ATXN7L1: variants seen among roughly 807,000 people sequenced by gnomAD.
The protein encoded by ATXN7L1 is ataxin-7-like protein 1.
A neutral mutation model predicts 70.8 loss-of-function variants in ATXN7L1; 15 were observed. That is an observed-to-expected ratio of 0.21 (90% CI 0.14 to 0.33). ATXN7L1 has a LOEUF of 0.33. Ranked by LOEUF, ATXN7L1 falls within the 10% of genes least tolerant of loss-of-function variation. ATXN7L1 has a pLI of 1.00. For synonymous variants in ATXN7L1, 440 were observed against 445.1 expected, an observed-to-expected ratio of 0.99 and a Z score of 0.14; for missense variants, 975 against 1,097.1, an observed-to-expected ratio of 0.89 and a Z score of 1.57.
intron 3 of ATXN7L1, among the ~76,000 whole-genome samples, chr7:105,724,904 G>A (rs760053927): frequency 3.3e-5 from 5 of 151,948 alleles, no homozygotes; most frequent in Non-Finnish European, 7.4e-5. Flanking sequence ...ATAGCTCACT[G>A]CAGCCTCAAA....
intron 4 of ATXN7L1, among the ~76,000 whole-genome samples, chr7:105,643,734 A>G (rs951169736): frequency 3.3e-5 from 5 of 152,328 alleles, no homozygotes; most frequent in East Asian, 3.9e-4. Flanking sequence ...GCATTATCCA[A>G]TATTCCATTT....
At chr7:105,676,819 G>C (rs1266030961) in intron 3 of ATXN7L1, among the ~76,000 whole-genome samples, 4 of 152,106 alleles carry the variant, frequency 2.6e-5, no homozygotes, top group African/African-American at 7.2e-5. Context: ...CAGCCTGAGA[G>C]ACAGAGTGAG....
chr7:105,631,497 C>T (rs1051373397), intron 7 of ATXN7L1, among the ~76,000 whole-genome samples: 1 of 152,224 alleles, frequency 6.6e-6, no homozygotes, highest in Non-Finnish European at 1.5e-5. Context: ...TCTGGAGTCT[C>T]GCTTTGTTGC....
At chr7:105,637,712 A>G (rs1035648351) in intron 7 of ATXN7L1, among the ~76,000 whole-genome samples, 1 of 152,070 alleles carries the variant, frequency 6.6e-6, no homozygotes, top group Admixed American at 6.6e-5. Flanking sequence ...TCTGTTTTCT[A>G]TTTTTTCATT....
intron 3 of ATXN7L1, among the ~76,000 whole-genome samples, chr7:105,670,437 A>C (rs1228572955): frequency 2.0e-5 from 3 of 152,228 alleles, no homozygotes; most frequent in African/African-American, 7.2e-5. Flanking sequence ...TTAGAGAAAA[A>C]GAGCACTTTC....
At chr7:105,745,340 C>T (rs1798462261) in intron 3 of ATXN7L1, among the ~76,000 whole-genome samples, 1 of 152,010 alleles carries the variant, frequency 6.6e-6, no homozygotes, top group African/African-American at 2.4e-5. Context: ...AACTTCCTCT[C>T]CCCAGAGGAG....
intron 3 of ATXN7L1, among the ~76,000 whole-genome samples, chr7:105,764,623 G>C (rs1293396057): frequency 1.3e-5 from 2 of 152,174 alleles, no homozygotes; most frequent in Non-Finnish European, 2.9e-5. Flanking sequence ...GTGAACTCTG[G>C]GGCAATGTGG....
At chr7:105,691,234 C>T (rs987611905) in intron 3 of ATXN7L1, among the ~76,000 whole-genome samples, 1 of 152,208 alleles carries the variant, frequency 6.6e-6, no homozygotes, top group East Asian at 1.9e-4. Flanking sequence ...TGCATCCACC[C>T]TCGAGGAGCG....
intron 4 of ATXN7L1, among the ~76,000 whole-genome samples, chr7:105,659,807 C>G (rs1462227766): frequency 6.6e-6 from 1 of 152,182 alleles, no homozygotes; most frequent in Admixed American, 6.5e-5. Context: ...ACTGATGACT[C>G]TCTAGTCCTG....
chr7:105,857,624 G>A (rs1815926390), intron 2 of ATXN7L1, among the ~76,000 whole-genome samples: 1 of 152,214 alleles, frequency 6.6e-6, no homozygotes, highest in African/African-American at 2.4e-5. Context: ...TCTGAAAGGT[G>A]GGAGAAGGAT....
At chr7:105,840,974 T>C (rs965418362) in intron 2 of ATXN7L1, among the ~76,000 whole-genome samples, 15 of 152,192 alleles carry the variant, frequency 9.9e-5, no homozygotes, top group Non-Finnish European at 1.8e-4. Flanking sequence ...CCTAATGTCC[T>C]TGGTGAACTC....
chr7:105,710,191 C>CA lies in ATXN7L1; in HGVS notation c.356-44904dup, dbSNP rs1449372325. ...AACAACCAGGGATGATATATTAGTC[C>CA]ATTCTCACACTGCTATCAAGCTCTA... On this transcript the variant is annotated intron_variant, in intron 3 of 11. Coordinates refer to ENST00000419735, the MANE Select transcript of ATXN7L1 (RefSeq NM_020725.2). Among the ~76,000 whole-genome samples the CA allele has an allele frequency of 2.6e-5, 4 of 152,132 alleles. No homozygotes were observed. In the East Asian group the frequency reaches 7.7e-4, roughly 29 times the overall value.
At chr7:105,645,874 G>C (rs528380855) in intron 4 of ATXN7L1, among the ~76,000 whole-genome samples, 1 of 151,806 alleles carries the variant, frequency 6.6e-6, no homozygotes, top group Non-Finnish European at 1.5e-5. Context: ...AGGGGTGGTG[G>C]TGCATGCCTG....
intron 3 of ATXN7L1, among the ~76,000 whole-genome samples, chr7:105,716,541 C>G (rs1376798563): frequency 6.6e-6 from 1 of 151,968 alleles, no homozygotes; most frequent in Non-Finnish European, 1.5e-5. Flanking sequence ...TTTAAAATTA[C>G]AAAAAGGTCC....
intron 7 of ATXN7L1, among the ~76,000 whole-genome samples, chr7:105,635,838 G>A (rs527754604): frequency 9.9e-5 from 15 of 151,248 alleles, no homozygotes; most frequent in African/African-American, 3.4e-4. Flanking sequence ...CCATTCATGT[G>A]CGATAGTTTT....
intron 3 of ATXN7L1, among the ~76,000 whole-genome samples, chr7:105,758,643 C>T (rs1207209260): frequency 6.6e-6 from 1 of 152,238 alleles, no homozygotes; most frequent in Non-Finnish European, 1.5e-5. Context: ...GCCTAGGCCT[C>T]CCTGGCCACC....
At chr7:105,747,031 A>G (rs1798664516) in intron 3 of ATXN7L1, among the ~76,000 whole-genome samples, 1 of 152,196 alleles carries the variant, frequency 6.6e-6, no homozygotes, top group Admixed American at 6.5e-5. Flanking sequence ...CCCCTGTGAT[A>G]TTGTGAACTA....
chr7:105,655,312 C>A (rs80027677), intron 4 of ATXN7L1, among the ~76,000 whole-genome samples: 4,698 of 152,308 alleles, frequency 0.031, 119 homozygotes, highest in East Asian at 0.083. Flanking sequence ...GGTCTGTCTA[C>A]CTTCCCACCC....
chr7:105,740,851 G>A (rs1034842045), intron 3 of ATXN7L1, among the ~76,000 whole-genome samples: 3 of 147,764 alleles, frequency 2.0e-5, no homozygotes, highest in African/African-American at 5.1e-5. Flanking sequence ...TGGAAGCTCC[G>A]CCTCCCGGGT....
Sources: allele counts gnomAD v4.1 joint callset (sites outside exome capture counted in the v4.1 genomes callset), GRCh38; gene constraint gnomAD v4.1.1; transcripts MANE v1.5; gene names NCBI Gene and HGNC (gene_info 2026-07-23, HGNC 2026-07-21).